Variants in POU2F3 observed in about 807,000 individuals in gnomAD.
POU2F3 encodes POU class 2 homeobox 3, also known as POU domain, class 2, transcription factor 3.
POU2F3 carries 23 observed loss-of-function variants against 59.2 expected under a neutral mutation model. That is an observed-to-expected ratio of 0.39 (90% CI 0.28 to 0.55). POU2F3 has a LOEUF of 0.55. Among genes scored for constraint, POU2F3 ranks in the 20% least tolerant of loss-of-function variants. POU2F3 has a pLI of 0.66. For synonymous variants in POU2F3, 190 were observed against 214.6 expected, an observed-to-expected ratio of 0.89 and a Z score of 1.00; for missense variants, 473 against 544.5, an observed-to-expected ratio of 0.87 and a Z score of 1.31.
At chr11:120,267,723 C>A (rs1309656485) in intron 2 of POU2F3, among the ~76,000 whole-genome samples, 1 of 151,094 alleles carries the variant, frequency 6.6e-6, no homozygotes, top group East Asian at 1.9e-4. Context: ...GAACTGTGGT[C>A]ATTTTGTGGC....
upstream of POU2F3, among the ~76,000 whole-genome samples, chr11:120,239,248 C>T (rs141626671): frequency 0.02 from 3,002 of 152,312 alleles, 71 homozygotes; most frequent in South Asian, 0.088. Context: ...GGCTTCCATG[C>T]AGGCCATCCT....
At chr11:120,240,577 G>A (rs1364114379) in intron 1 of POU2F3, among the ~76,000 whole-genome samples, 1 of 146,176 alleles carries the variant, frequency 6.8e-6, no homozygotes, top group Non-Finnish European at 1.5e-5. Flanking sequence ...CCCTGGAAAA[G>A]AATGAGGGTG....
Position 120,288,132 on chromosome 11 carries a change from A to C in POU2F3, c.133-10133A>C, listed in dbSNP as rs202147147. 0.025 allele frequency among the ~76,000 whole-genome samples: 3,649 copies of C among 145,514 alleles called. 775 individuals are homozygous for C. The East Asian group carries it at 0.58, about 23-fold the overall frequency. On this transcript the variant is annotated intron_variant, in intron 3 of 12. Transcript: ENST00000543440. ...AAAGAAAACAAACAAAAAAACCAAA[A>C]AAAAAAAAAAAAAAAACAAGAAAAA... is the stretch of plus-strand genomic sequence containing the variant.
At chr11:120,268,444 G>A (rs1288094267) in intron 2 of POU2F3, among the ~76,000 whole-genome samples, 1 of 152,054 alleles carries the variant, frequency 6.6e-6, no homozygotes, top group African/African-American at 2.4e-5. Context: ...GGGCTCAAGC[G>A]ATCCTCCTGC....
At chr11:120,240,610 G>A (rs1938619601) in intron 1 of POU2F3, among the ~76,000 whole-genome samples, 1 of 152,050 alleles carries the variant, frequency 6.6e-6, no homozygotes, top group South Asian at 2.1e-4. Context: ...GGGCGGGAGG[G>A]CTTCGAAGCC....
chr11:120,278,415 G>A (rs994244384), intron 3 of POU2F3, among the ~76,000 whole-genome samples: 32 of 152,276 alleles, frequency 2.1e-4, no homozygotes, highest in African/African-American at 7.7e-4. Context: ...CAGTGAGAAC[G>A]AGTGACCTTG....
At chr11:120,248,185 C>G (rs1938947994) in intron 2 of POU2F3, among the ~76,000 whole-genome samples, 1 of 152,202 alleles carries the variant, frequency 6.6e-6, no homozygotes, top group Non-Finnish European at 1.5e-5. Flanking sequence ...CAGAATCTGT[C>G]TCTTATCCGG....
intron 2 of POU2F3, chr11:120,256,038 GAGT>G (rs1420757479): frequency 1.3e-5 from 2 of 152,230 alleles, no homozygotes; most frequent in African/African-American, 4.8e-5. Context: ...CTTTCGGCTG[GAGT>G]TTGTGCATAA....
intron 11 of POU2F3, 22 bp from the exon 12 acceptor site, chr11:120,317,207 T>A (rs953599574): frequency 6.2e-7 from 1 of 1,613,512 alleles, no homozygotes; most frequent in African/African-American, 1.3e-5. Flanking sequence ...TCCCCCTTGT[T>A]TTTGCCTCTC....
In POU2F3 at chr11:120,317,316, A is replaced by G. The variant is rs1035829292; in HGVS notation, c.1223A>G (p.Asn408Ser). ...GCCAGCAGCCCCACTGCATCTCAAA[A>G]TAACTCCAAAGCAGCAGTGAACTCC... ...LHASSPTASQNNSKAAVNSAS... is the reference protein window; with the variant it reads ...LHASSPTASQSNSKAAVNSAS... The change falls in exon 12 of 13, where the codon AAT becomes AGT. Residue 408 changes from asparagine to serine, a missense_variant. Physicochemically the swap from Asn to Ser is conservative, Grantham distance 46. Coordinates refer to ENST00000543440, the MANE Select transcript of POU2F3 (RefSeq NM_014352.4). The G allele has an allele frequency of 1.1e-5, 17 of 1,614,018 alleles. No individual in the cohort carries two copies. The highest frequency in any genetic ancestry group is 1.4e-5 in the Non-Finnish European group (16 of 1,180,002).
intron 3 of POU2F3, among the ~76,000 whole-genome samples, chr11:120,293,671 C>G (rs1221180152): frequency 6.6e-6 from 1 of 152,128 alleles, no homozygotes; most frequent in Non-Finnish European, 1.5e-5. Context: ...GTGATATATT[C>G]ATTAGTGTTG....
chr11:120,275,711 A>T (rs1940289950), intron 3 of POU2F3, among the ~76,000 whole-genome samples: 1 of 152,086 alleles, frequency 6.6e-6, no homozygotes. Flanking sequence ...AAAAGCTGAG[A>T]ATCAGTGGCC....
chr11:120,271,742 T>C (rs1041917327), intron 3 of POU2F3, among the ~76,000 whole-genome samples: 4 of 152,182 alleles, frequency 2.6e-5, no homozygotes, highest in African/African-American at 9.7e-5. Flanking sequence ...GTAGTATGGT[T>C]TCCCCACACG....
At position 120,299,672 on chromosome 11, in the gene POU2F3, C is replaced by A. The variant is rs1565383132; in HGVS notation, c.307C>A (p.His103Asn). Residue 103 changes from histidine to asparagine, a missense_variant, in exon 5 of 13, where the codon CAC (histidine) becomes AAC (asparagine). Coordinates refer to ENST00000543440, the MANE Select transcript of POU2F3 (RefSeq NM_014352.4). ...CCAGCAGCTTGTGCTGGTTCCCGGC[C>A]ACTTACAGTCTGTATCCCAGTTCCT... is the stretch of plus-strand genomic sequence containing the variant. ...PLQQLVLVPG[H>N]LQSVSQFLLS... 2 of 1,613,874 alleles carry A rather than the reference C, an allele frequency of 1.2e-6. No homozygotes were observed. The highest frequency in any genetic ancestry group is 8.5e-7 in the Non-Finnish European group (1 of 1,180,004).
chr11:120,317,456 T>C (rs1941818978), intron 12 of POU2F3, 92 bp downstream of exon 12: 1 of 1,536,618 alleles, frequency 6.5e-7, no homozygotes, highest in Non-Finnish European at 8.9e-7. Context: ...AAGCTTGTCA[T>C]AGAAAGGGTT....
chr11:120,269,094 C>A, intron 2 of POU2F3, 116 bp from the exon 3 acceptor site: 2 of 717,512 alleles, frequency 2.8e-6, no homozygotes, highest in Non-Finnish European at 4.5e-6. Context: ...ACAAGCGAAG[C>A]AGGTGCTCTT....
In POU2F3 at chr11:120,309,582, G is replaced by T. The variant is rs77550935; in HGVS notation, c.1064G>T (p.Arg355Leu). 41 of 1,612,892 alleles carry T rather than the reference G, an allele frequency of 2.5e-5. No individual in the cohort carries two copies. In the Admixed American group the frequency reaches 6.7e-4, roughly 26 times the overall value. ...TPIKPPVYNS[R>L]LVSPSGSLGP... ...ATCAAACCACCTGTCTACAACTCCC[G>T]GCTGGTGAGTGGCCAGGAACCAAGC... The change falls in exon 10 of 13, where the codon CGG becomes CTG. Residue 355 changes from arginine to leucine, a missense_variant. Arg to Leu is a moderately radical substitution (Grantham distance 102, BLOSUM62 -2). Coordinates refer to ENST00000543440, the MANE Select transcript of POU2F3 (RefSeq NM_014352.4).
intron 3 of POU2F3, among the ~76,000 whole-genome samples, chr11:120,279,791 A>G (rs1941409): frequency 0.5 from 76,349 of 152,108 alleles, 24,574 homozygotes; most frequent in East Asian, 1. Context: ...CAGCTGTCTG[A>G]GTTCTCCAGA....
intron 11 of POU2F3, among the ~76,000 whole-genome samples, chr11:120,315,714 G>A (rs1282578341): frequency 1.3e-5 from 2 of 152,140 alleles, no homozygotes; most frequent in East Asian, 3.9e-4. Flanking sequence ...GCCCAGGGGA[G>A]GCAAGGCTTC....
Sources: allele counts gnomAD v4.1 joint callset (sites outside exome capture counted in the v4.1 genomes callset), GRCh38; gene constraint gnomAD v4.1.1; transcripts MANE v1.5; gene names NCBI Gene and HGNC (gene_info 2026-07-23, HGNC 2026-07-21).